Variants in TGM6 observed in about 807,000 individuals in gnomAD.
TGM6 encodes the protein protein-glutamine gamma-glutamyltransferase 6.
A neutral mutation model predicts 77.5 loss-of-function variants in TGM6; 74 were observed. That is an observed-to-expected ratio of 0.96 (90% CI 0.79 to 1.16). The LOEUF is 1.16. Ranked by LOEUF, TGM6 falls within the 50% of genes most tolerant of loss-of-function variation. The probability of loss-of-function intolerance (pLI) is 0.00; values close to 1 mark genes in which losing one functional copy is unlikely to be tolerated. For missense variants in TGM6, 968 were observed against 940.2 expected, an observed-to-expected ratio of 1.03 and a Z score of -0.39; for synonymous variants, 383 against 378.9, an observed-to-expected ratio of 1.01 and a Z score of -0.12.
intron 1 of TGM6, among the ~76,000 whole-genome samples, chr20:2,381,266 G>T (rs1016496328): frequency 5.9e-5 from 9 of 152,290 alleles, no homozygotes; most frequent in South Asian, 2.1e-4. Context: ...GCACAGGAAG[G>T]CAGGGGCAGA....
chr20:2,424,625 T>C (rs1262450129), intron 10 of TGM6, among the ~76,000 whole-genome samples: 1 of 152,230 alleles, frequency 6.6e-6, no homozygotes, highest in Non-Finnish European at 1.5e-5. Context: ...TTTCTTATCA[T>C]TCCTATGTCA....
chr20:2,394,720 C>T, intron 2 of TGM6, 95 bp downstream of exon 2: 4 of 1,380,260 alleles, frequency 2.9e-6, no homozygotes, highest in Non-Finnish European at 4.0e-6. Context: ...GCAGCTCAGG[C>T]TCTGGGGGAA....
At chr20:2,398,389 T>C (rs368211177) in intron 5 of TGM6, among the ~76,000 whole-genome samples, 1 of 152,116 alleles carries the variant, frequency 6.6e-6, no homozygotes, top group South Asian at 2.1e-4. Context: ...ATCCATGTCA[T>C]GTCTCCTGGA....
In TGM6 at chr20:2,432,590, C is replaced by G. The variant is rs1030511761; in HGVS notation, c.2068C>G (p.His690Asp). ...GCTGCAGGTGGACCTTGTAAGCCCT[C>G]ACTTCCCGGACATCAAGGGCTTTGT... is the stretch of plus-strand genomic sequence containing the variant. ...RQLQVDLVSP[H>D]FPDIKGFVIV... The change falls in exon 13 of 13, where the codon CAC (histidine) becomes GAC (aspartate). Residue 690 changes from histidine (H) to aspartate (D), a missense_variant. Physicochemically the swap from His to Asp is moderately conservative, Grantham distance 81. Coordinates refer to ENST00000202625, the MANE Select transcript of TGM6 (RefSeq NM_198994.3). 1.9e-6 allele frequency: 3 copies of G among 1,614,018 alleles called. No homozygotes were observed. The African/African-American group carries it at 4.0e-5, about 22-fold the overall frequency.
chr20:2,406,831 C>CAAAAAAAAAAAAAAAAAAAAAAAAA lies in TGM6; in HGVS notation c.1336+3019_1336+3043dup, dbSNP rs3050731. On this transcript the variant is annotated intron_variant, in intron 9 of 12. Transcript: ENST00000202625. Reference sequence around the variant, plus strand: ...CCTCAGCAACAAGTGCGAAACTCCTCAAAAAAAAAAAAAAAAAAAAAAAAA... The same window carrying CAAAAAAAAAAAAAAAAAAAAAAAAA: ...CCTCAGCAACAAGTGCGAAACTCCTCAAAAAAAAAAAAAAAAAAAAAAAAAAAAAAAAAAAAAAAAAAAAAAAAAA... Among the ~76,000 whole-genome samples, 6 of 63,688 alleles carry CAAAAAAAAAAAAAAAAAAAAAAAAA rather than the reference C, an allele frequency of 9.4e-5. 1 individual carries two copies. Among genetic ancestry groups the CAAAAAAAAAAAAAAAAAAAAAAAAA allele is most frequent in the Non-Finnish European group, 1.3e-4 (4 of 30,452 alleles). 41.8% of individuals were successfully genotyped at this position (63,688 alleles called of 152,430 possible).
At chr20:2,401,144 G>A (rs2084706277) in intron 7 of TGM6, among the ~76,000 whole-genome samples, 1 of 151,740 alleles carries the variant, frequency 6.6e-6, no homozygotes, top group Non-Finnish European at 1.5e-5. Context: ...GGCAGAGGTT[G>A]CCTCTGTGAG....
At chr20:2,424,409 G>A (rs2084874822) in intron 10 of TGM6, among the ~76,000 whole-genome samples, 1 of 152,158 alleles carries the variant, frequency 6.6e-6, no homozygotes, top group Admixed American at 6.6e-5. Flanking sequence ...TAGAGATGGC[G>A]TCTTTCCTTA....
At position 2,414,943 on chromosome 20, in the gene TGM6, G is replaced by T. The variant is rs377539946; in HGVS notation, c.1337-2289G>T. ...TGATGGTTACAGAATTTGGGGGGGG[G>T]GGTGAAAAAACGTTCTAAAATTAGA... On this transcript the variant is annotated intron_variant, in intron 9 of 12. Transcript: ENST00000202625. Among the ~76,000 whole-genome samples, 48 of 139,540 alleles carry T rather than the reference G, an allele frequency of 3.4e-4. 1 individual carries two copies. Among genetic ancestry groups the T allele is most frequent in the South Asian group, 3.0e-3 (12 of 3,970 alleles). The allele number at this position is 139,540 out of a possible 152,430, so 91.5% of individuals were successfully genotyped here.
At chr20:2,399,367 A>G (rs947531864) in intron 5 of TGM6, among the ~76,000 whole-genome samples, 194 bp from the exon 6 acceptor site, 2 of 152,240 alleles carry the variant, frequency 1.3e-5, no homozygotes, top group African/African-American at 4.8e-5. Flanking sequence ...CAAATGGAAG[A>G]TAATTGAAAA....
Position 2,403,651 on chromosome 20 carries a change from C to T in TGM6, c.1164C>T (p.Gly388=), listed in dbSNP as rs2084728433. The T allele has an allele frequency of 1.2e-6, 2 of 1,614,226 alleles. No individual in the cohort carries two copies. Among genetic ancestry groups the T allele is most frequent in the South Asian group, 1.1e-5 (1 of 91,088 alleles). ...REGDVHLAHD[G]PFVFAEVNAD... is the part of the protein sequence containing the mutation. Reference sequence around the variant, plus strand: ...GTGATGTGCACCTGGCTCACGATGGCCCCTTCGTGTTTGCGGAGGTCAACG... The same window carrying T: ...GTGATGTGCACCTGGCTCACGATGGTCCCTTCGTGTTTGCGGAGGTCAACG... The change falls in exon 9 of 13, where the codon GGC becomes GGT. Residue 388 remains glycine, a synonymous_variant. Transcript: ENST00000202625.
At chr20:2,430,869 GGC>G (rs757207699) in intron 11 of TGM6, 23 bp from the exon 12 acceptor site, 1 of 1,614,162 alleles carries the variant, frequency 6.2e-7, no homozygotes, top group East Asian at 2.2e-5. Flanking sequence ...TAGGCGCGAT[GGC>G]TCATGGGTGT....
Position 2,417,466 on chromosome 20 carries a change from C to T in TGM6, c.1571C>T (p.Ala524Val), listed in dbSNP as rs767788746. The change falls in exon 10 of 13, where the codon GCC becomes GTC. Residue 524 changes from alanine (A) to valine (V), a missense_variant. Physicochemically the swap from Ala to Val is moderately conservative, Grantham distance 64. Transcript: ENST00000202625. ...ALCLANLTSRAQRVRVNLSGA... is the reference protein window; with the variant it reads ...ALCLANLTSRVQRVRVNLSGA... The stretch of plus-strand genomic sequence containing the variant: ...TGCTTGGCCAACCTCACCTCCCGGG[C>T]CCAGCGGGTGAGGGTCAACCTGAGC... 2.5e-6 allele frequency: 4 copies of T among 1,610,682 alleles called. No homozygotes were observed. The highest frequency in any genetic ancestry group is 2.2e-5 in the South Asian group (2 of 90,976).
In TGM6 at chr20:2,403,505, G is replaced by A. The variant is rs6137891; in HGVS notation, c.1093+5G>A. On this transcript the variant is annotated splice_donor_5th_base_variant and intron_variant, in intron 8 of 12. Transcript: ENST00000202625. Reference sequence around the variant, plus strand: ...CCCCCCAGGAGGAGAGTGAAGGTACGCTCAATTGGGTGGGGTAAGTTCCAG... The same window carrying A: ...CCCCCCAGGAGGAGAGTGAAGGTACACTCAATTGGGTGGGGTAAGTTCCAG... 119,526 of 1,613,986 alleles carry A rather than the reference G, an allele frequency of 0.074. 5,824 individuals carry two copies. The highest frequency in any genetic ancestry group is 0.24 in the East Asian group (10,765 of 44,844).
At chr20:2,383,672 C>T (rs1205366932) in intron 1 of TGM6, among the ~76,000 whole-genome samples, 1 of 152,158 alleles carries the variant, frequency 6.6e-6, no homozygotes, top group Non-Finnish European at 1.5e-5. Flanking sequence ...CTGAAAAACA[C>T]TCTGAAGCTG....
intron 10 of TGM6, among the ~76,000 whole-genome samples, chr20:2,426,090 A>T (rs8115487): frequency 0.13 from 20,232 of 152,170 alleles, 1,674 homozygotes; most frequent in African/African-American, 0.22. Context: ...AGATCAAGCT[A>T]GGAAAAATTG....
intron 10 of TGM6, among the ~76,000 whole-genome samples, chr20:2,421,462 G>A (rs1811395491): frequency 6.6e-6 from 1 of 152,210 alleles, no homozygotes; most frequent in African/African-American, 2.4e-5. Flanking sequence ...AGATGGTATT[G>A]TGTGTTTTGG....
chr20:2,412,262 T>C (rs2084789380), intron 9 of TGM6, among the ~76,000 whole-genome samples: 1 of 152,190 alleles, frequency 6.6e-6, no homozygotes, highest in African/African-American at 2.4e-5. Flanking sequence ...AGGCCGCTTA[T>C]ATCTATGAAG....
In TGM6 at chr20:2,417,588, G is replaced by T. The variant is rs748667411; in HGVS notation, c.1678+15G>T. On this transcript the variant is annotated intron_variant, in intron 10 of 12. Transcript: ENST00000202625. ...GCCGCAAGAAGGTAAGTGTACGCTGGCTTGGTGGAATCAGGCCAAACCACC... is the reference window on the plus strand; with the variant it reads ...GCCGCAAGAAGGTAAGTGTACGCTGTCTTGGTGGAATCAGGCCAAACCACC... 1.1e-5 allele frequency: 17 copies of T among 1,591,602 alleles called. No homozygotes were observed. The highest frequency in any genetic ancestry group is 1.4e-5 in the Non-Finnish European group (17 of 1,176,242).
chr20:2,400,112 C>T (rs369001375), intron 6 of TGM6, among the ~76,000 whole-genome samples, 194 bp from the exon 7 acceptor site: 3 of 152,188 alleles, frequency 2.0e-5, no homozygotes, highest in South Asian at 4.1e-4. Context: ...CTTGAGAGAA[C>T]GTGCAGGAGA....
Sources: gnomAD v4.1 joint callset for allele counts (sites outside exome capture counted in the v4.1 genomes callset) on GRCh38, gnomAD v4.1.1 for gene constraint, MANE v1.5 for transcripts, NCBI Gene and HGNC (gene_info 2026-07-23, HGNC 2026-07-21) for gene names.